RNF152: variants seen among roughly 807,000 people sequenced by gnomAD.
The protein encoded by RNF152 is ring finger protein 152.
In RNF152, 11 loss-of-function variants were observed where a neutral mutation model predicts 12.7. The ratio of observed to expected loss-of-function variants is 0.86; its 90% CI spans 0.54 to 1.43. The LOEUF (loss-of-function observed/expected upper bound fraction) is 1.43. RNF152 is among the 40% of genes most tolerant of loss of function. The pLI, the probability that RNF152 is intolerant of heterozygous loss-of-function variation, is 0.00. For missense variants in RNF152, 255 were observed against 274.8 expected (o/e 0.93, Z 0.51); for synonymous variants, 113 against 120.3 (o/e 0.94, Z 0.40).
At chr18:61,875,562 C>T (rs764946852) in intron 1 of RNF152, among the ~76,000 whole-genome samples, 24 of 151,758 alleles carry the variant, frequency 1.6e-4, no homozygotes, top group African/African-American at 5.6e-4. Flanking sequence ...ACCATCTGGG[C>T]GTGGATTACC....
intron 1 of RNF152, among the ~76,000 whole-genome samples, chr18:61,878,667 G>T (rs1240637600): frequency 6.6e-6 from 1 of 152,186 alleles, no homozygotes; most frequent in East Asian, 1.9e-4. Context: ...GGCACCAGTG[G>T]ATTCAGTGTC....
At chr18:61,834,268 T>G (rs970751643) in intron 1 of RNF152, among the ~76,000 whole-genome samples, 3 of 152,220 alleles carry the variant, frequency 2.0e-5, no homozygotes, top group Admixed American at 1.3e-4. Context: ...AAGGACAGCA[T>G]CCCAAGCTAA....
chr18:61,873,494 C>A (rs1262126915), intron 1 of RNF152, among the ~76,000 whole-genome samples: 1 of 152,150 alleles, frequency 6.6e-6, no homozygotes, highest in Non-Finnish European at 1.5e-5. Context: ...CGCCACCACG[C>A]CTGGCTAATT....
intron 1 of RNF152, among the ~76,000 whole-genome samples, chr18:61,844,110 G>GAAAGAAAGAAAGAAAGAAAGAAAGAA (rs1910616510): frequency 1.5e-5 from 2 of 137,032 alleles, no homozygotes; most frequent in African/African-American, 2.7e-5. Context: ...AAGAAAGAAA[G>GAAAGAAAGAAAGAAAGAAAGAAAGAA]AAAGAAAGAA....
chr18:61,851,664 C>A (rs965371587), intron 1 of RNF152, among the ~76,000 whole-genome samples: 6 of 152,184 alleles, frequency 3.9e-5, no homozygotes, highest in Admixed American at 1.3e-4. Context: ...TGTCTGGACA[C>A]CCAAATTCAC....
chr18:61,834,082 C>T (rs1246105781), intron 1 of RNF152, among the ~76,000 whole-genome samples: 3 of 152,284 alleles, frequency 2.0e-5, no homozygotes, highest in Non-Finnish European at 2.9e-5. Context: ...AAGATGTGAC[C>T]CCTGGGTAGT....
chr18:61,891,031 G>C (rs1912934290), intron 1 of RNF152, among the ~76,000 whole-genome samples: 1 of 152,094 alleles, frequency 6.6e-6, no homozygotes, highest in African/African-American at 2.4e-5. Flanking sequence ...TCTTCCTATA[G>C]GGAGTTCAAT....
At chr18:61,835,653 A>T (rs1314288484) in intron 1 of RNF152, among the ~76,000 whole-genome samples, 1 of 152,208 alleles carries the variant, frequency 6.6e-6, no homozygotes, top group Admixed American at 6.5e-5. Flanking sequence ...TTAAATACAA[A>T]CAGAAACAAG....
chr18:61,814,033 A>G lies in RNF152; in HGVS notation c.*1819T>C, dbSNP rs1037046684. 1.3e-5 allele frequency: 2 copies of G among 152,242 alleles called. No individual in the cohort carries two copies. The highest frequency in any genetic ancestry group is 2.9e-5 in the Non-Finnish European group (2 of 68,032). 9.4% of individuals were successfully genotyped at this position (152,242 alleles called of 1,614,324 possible). ...GCATTTTAACCTAATTTCTATTTTG[A>G]GCTTTCAAATACATTTCCTAAAGGT... On this transcript the variant is annotated 3_prime_UTR_variant, in exon 2 of 2. Coordinates refer to ENST00000312828, the MANE Select transcript of RNF152 (RefSeq NM_173557.3).
intron 1 of RNF152, among the ~76,000 whole-genome samples, chr18:61,880,878 C>T (rs917308388): frequency 1.3e-5 from 2 of 151,764 alleles, no homozygotes; most frequent in Non-Finnish European, 2.9e-5. Context: ...CTCACTCCTC[C>T]TCCCTCAAAC....
At chr18:61,829,277 C>T (rs1326041561) in intron 1 of RNF152, among the ~76,000 whole-genome samples, 1 of 152,088 alleles carries the variant, frequency 6.6e-6, no homozygotes, top group Non-Finnish European at 1.5e-5. Context: ...CAGTGGTGTG[C>T]AGTGTGACAG....
At chr18:61,830,645 G>A (rs1909895793) in intron 1 of RNF152, among the ~76,000 whole-genome samples, 1 of 152,186 alleles carries the variant, frequency 6.6e-6, no homozygotes, top group Admixed American at 6.5e-5. Flanking sequence ...AGCAGAGTGA[G>A]ATATGAATTG....
chr18:61,817,491 C>T (rs1037221301), intron 1 of RNF152, among the ~76,000 whole-genome samples: 3 of 152,066 alleles, frequency 2.0e-5, no homozygotes, highest in Non-Finnish European at 2.9e-5. Context: ...TCTGCATCTG[C>T]GACCAAATGA....
chr18:61,858,458 G>A (rs1243614639), intron 1 of RNF152, among the ~76,000 whole-genome samples: 2 of 152,038 alleles, frequency 1.3e-5, no homozygotes, highest in Non-Finnish European at 2.9e-5. Context: ...CCTAGGATGA[G>A]GAATCTGCCC....
At chr18:61,829,685 G>A (rs970740239) in intron 1 of RNF152, among the ~76,000 whole-genome samples, 3 of 152,086 alleles carry the variant, frequency 2.0e-5, no homozygotes, top group African/African-American at 4.8e-5. Context: ...AGCAGGATGC[G>A]GTCCAAACCT....
At chr18:61,880,913 CTTTT>C (rs71179000) in intron 1 of RNF152, among the ~76,000 whole-genome samples, 2 of 131,806 alleles carry the variant, frequency 1.5e-5, no homozygotes, top group African/African-American at 2.9e-5. Flanking sequence ...CTCTAGTTTT[CTTTT>C]TTTTTTTTTT....
intron 1 of RNF152, among the ~76,000 whole-genome samples, chr18:61,862,578 C>T (rs1911535738): frequency 6.6e-6 from 1 of 152,252 alleles, no homozygotes; most frequent in South Asian, 2.1e-4. Context: ...GTTCAAGGAG[C>T]TTCCAGACAG....
intron 1 of RNF152, among the ~76,000 whole-genome samples, chr18:61,846,949 C>G (rs28594579): frequency 6.6e-6 from 1 of 152,086 alleles, no homozygotes; most frequent in African/African-American, 2.4e-5. Flanking sequence ...GTTAACCTTA[C>G]TGAGTATCTG....
chr18:61,876,280 T>G (rs1354207819), intron 1 of RNF152, among the ~76,000 whole-genome samples: 1 of 152,182 alleles, frequency 6.6e-6, no homozygotes, highest in South Asian at 2.1e-4. Context: ...TTGCATCCCT[T>G]TGTACGCATG....
Sources: gnomAD v4.1 joint callset for allele counts (sites outside exome capture counted in the v4.1 genomes callset) on GRCh38, gnomAD v4.1.1 for gene constraint, MANE v1.5 for transcripts, NCBI Gene and HGNC (gene_info 2026-07-23, HGNC 2026-07-21) for gene names.